SMIM7: variants seen among roughly 807,000 people sequenced by gnomAD.
SMIM7 encodes UPF0608 protein C19orf42.
In SMIM7, 12 loss-of-function variants were observed where a neutral mutation model predicts 13.3. That is an observed-to-expected ratio of 0.90 (90% CI 0.58 to 1.46). SMIM7 has a LOEUF of 1.46. Among genes scored for constraint, SMIM7 ranks in the 40% most tolerant of loss-of-function variants. The pLI, the probability that SMIM7 is intolerant of heterozygous loss-of-function variation, is 0.00. For missense variants in SMIM7, 114 were observed against 94.8 expected (o/e 1.20, Z -0.84); for synonymous variants, 36 against 35.8 (o/e 1.01, Z -0.02).
chr19:16,639,208 GC>G (rs939314054), intron 4 of SMIM7, among the ~76,000 whole-genome samples: 1 of 144,750 alleles, frequency 6.9e-6, no homozygotes, highest in Non-Finnish European at 1.5e-5. Flanking sequence ...TGCAAGCTCC[GC>G]CCCCCCAGGT....
At chr19:16,637,853 T>A (rs769362772) in intron 4 of SMIM7, among the ~76,000 whole-genome samples, 1 of 152,236 alleles carries the variant, frequency 6.6e-6, no homozygotes. Context: ...CACCTACCCA[T>A]GACTAAATTC....
At chr19:16,654,415 T>C (rs1450407487) in intron 3 of SMIM7, among the ~76,000 whole-genome samples, 1 of 152,136 alleles carries the variant, frequency 6.6e-6, no homozygotes, top group South Asian at 2.1e-4. Context: ...TTCCCCCAAC[T>C]ACTGGGAAAG....
At chr19:16,640,763 T>C (rs1226827569), downstream of SMIM7, 1 of 152,086 alleles carries the variant, frequency 6.6e-6, no homozygotes, top group East Asian at 1.9e-4. Flanking sequence ...AGAAACCCCA[T>C]CTCTACTAAA....
intron 4 of SMIM7, among the ~76,000 whole-genome samples, chr19:16,633,252 T>G (rs1380659021): frequency 6.6e-6 from 1 of 150,674 alleles, no homozygotes; most frequent in Non-Finnish European, 1.5e-5. Context: ...AGGTCAGGAG[T>G]TCGAGACCAG....
chr19:16,653,797 A>G (rs2086560647), intron 4 of SMIM7: 2 of 491,854 alleles, frequency 4.1e-6, no homozygotes, highest in African/African-American at 2.0e-5. Context: ...CGGGAGGCTG[A>G]GGCAGGAGAA....
chr19:16,651,904 G>A (rs1269058635), intron 4 of SMIM7, among the ~76,000 whole-genome samples: 1 of 145,476 alleles, frequency 6.9e-6, no homozygotes, highest in African/African-American at 2.6e-5. Context: ...CCTTTGCAAA[G>A]ACGAGAATGA....
intron 4 of SMIM7, among the ~76,000 whole-genome samples, chr19:16,649,127 A>C (rs1318154050): frequency 1.3e-5 from 2 of 152,218 alleles, no homozygotes; most frequent in Non-Finnish European, 2.9e-5. Flanking sequence ...CGTAGGCTGC[A>C]GGTAGGAATG....
At chr19:16,648,151 T>C (rs1217347819) in intron 4 of SMIM7, among the ~76,000 whole-genome samples, 1 of 152,220 alleles carries the variant, frequency 6.6e-6, no homozygotes, top group Non-Finnish European at 1.5e-5. Flanking sequence ...AAAAACTTTT[T>C]TTTTTTTGAG....
intron 4 of SMIM7, among the ~76,000 whole-genome samples, chr19:16,651,603 C>T (rs554063899): frequency 1.3e-5 from 2 of 152,294 alleles, no homozygotes; most frequent in East Asian, 3.9e-4. Context: ...AGATGCTGGT[C>T]AAACAGGAGA....
rs896454667 is a variant in SMIM7 at position 16,646,426 on chromosome 19, G to A, written c.*820C>T. 6.6e-6 allele frequency: 1 copy of A among 152,192 alleles called. No individual in the cohort carries two copies. 9.4% of individuals were successfully genotyped at this position (152,192 alleles called of 1,614,324 possible). A position where few individuals can be genotyped will look rare whatever the true frequency, so the allele number is the denominator to read the frequency against. On this transcript the variant is annotated 3_prime_UTR_variant, in exon 5 of 5. Coordinates refer to ENST00000487416, the MANE Select transcript of SMIM7 (RefSeq NM_024104.4). ...TTCAAAGAAGCTTCTGGAAAATGCTGTATTTCCTAGATGAAGGCCCCTGGT... is the reference window on the plus strand; with the variant it reads ...TTCAAAGAAGCTTCTGGAAAATGCTATATTTCCTAGATGAAGGCCCCTGGT...
At chr19:16,634,661 T>C (rs977493064) in intron 4 of SMIM7, 1 of 150,890 alleles carries the variant, frequency 6.6e-6, no homozygotes, top group Non-Finnish European at 1.5e-5. Flanking sequence ...GCCTGGAGTC[T>C]CAGCTATTTG....
downstream of SMIM7, among the ~76,000 whole-genome samples, chr19:16,643,008 G>C (rs1367834499): frequency 6.6e-6 from 1 of 151,864 alleles, no homozygotes; most frequent in Non-Finnish European, 1.5e-5. Context: ...ATTTTTAGTA[G>C]AGACGGGGTT....
chr19:16,635,398 G>C (rs2086351402), intron 4 of SMIM7: 1 of 150,902 alleles, frequency 6.6e-6, no homozygotes, highest in Admixed American at 6.6e-5. Flanking sequence ...CCAGAGCTCA[G>C]GGTTCCCAGA....
At chr19:16,644,118 GTT>G (rs557600997), downstream of SMIM7, among the ~76,000 whole-genome samples, 31 of 85,436 alleles carry the variant, frequency 3.6e-4, no homozygotes, top group Middle Eastern at 9.1e-3. Context: ...AATTGTTTGC[GTT>G]TTTTTTTTTT....
Position 16,659,948 on chromosome 19 carries a change from G to T in SMIM7, c.68+11C>A, listed in dbSNP as rs763691363. The T allele has an allele frequency of 3.7e-6, 6 of 1,602,328 alleles. No homozygotes were observed. In the African/African-American group the frequency reaches 4.0e-5, roughly 11 times the overall value. On this transcript the variant is annotated intron_variant, in intron 2 of 4. Coordinates refer to ENST00000487416, the MANE Select transcript of SMIM7 (RefSeq NM_024104.4). ...CCGGATGGAGCCGCAGTCCGGCCGC[G>T]ACCTACTCACAGCTTAAAGTTCAGC...
chr19:16,640,453 A>G (rs939337773), intron 4 of SMIM7: 25 of 152,244 alleles, frequency 1.6e-4, no homozygotes, highest in African/African-American at 5.3e-4. Flanking sequence ...ATAAACTCAA[A>G]TTTGGTAAAG....
At chr19:16,654,435 C>T (rs1002607159) in intron 3 of SMIM7, among the ~76,000 whole-genome samples, 8 of 152,218 alleles carry the variant, frequency 5.3e-5, no homozygotes, top group Non-Finnish European at 1.0e-4. Context: ...GAGATACCTT[C>T]TGCCAGGCTT....
chr19:16,660,033 C>G (rs1329619231), intron 1 of SMIM7, 33 bp from the exon 2 acceptor site: 2 of 1,614,076 alleles, frequency 1.2e-6, no homozygotes, highest in Admixed American at 1.7e-5. Flanking sequence ...ACTAGGGGCG[C>G]CCCCGCGTCC....
intron 4 of SMIM7, among the ~76,000 whole-genome samples, chr19:16,639,465 A>G (rs573641660): frequency 3.3e-5 from 5 of 152,202 alleles, no homozygotes; most frequent in Admixed American, 6.5e-5. Context: ...AGAGATCAGT[A>G]AACTTTTCCA....
Sources: allele counts gnomAD v4.1 joint callset (sites outside exome capture counted in the v4.1 genomes callset), GRCh38; gene constraint gnomAD v4.1.1; transcripts MANE v1.5; gene names NCBI Gene and HGNC (gene_info 2026-07-23, HGNC 2026-07-21).